Variants in LHX5 observed in about 807,000 individuals in gnomAD.
The protein encoded by LHX5 is LIM homeobox 5, also known as LIM/homeobox protein Lhx5.
Under a neutral mutation model 30.6 loss-of-function variants are expected in LHX5, and 5 were observed. The observed-to-expected ratio is 0.16, with a 90% CI of 0.09 to 0.34. LHX5 has a LOEUF of 0.34. LHX5 is among the 10% of genes least tolerant of loss of function. LHX5 has a pLI of 1.00. For synonymous variants in LHX5, 266 were observed against 252.6 expected, an observed-to-expected ratio of 1.05 and a Z score of -0.50; for missense variants, 458 against 570.6, an observed-to-expected ratio of 0.80 and a Z score of 2.01.
Position 113,471,297 on chromosome 12 carries a change from G to C in LHX5, c.173+29C>G, listed in dbSNP as rs780635606. On this transcript the variant is annotated intron_variant, in intron 1 of 4. Transcript: ENST00000261731. ...AGTGGAGCGCGCGCAGGGTGGGCGC[G>C]CAGGCAGCAGAGCGGCGCGGCCTCT... 10 of 1,609,810 alleles carry C rather than the reference G, an allele frequency of 6.2e-6. No homozygotes were observed. The Admixed American group carries it at 1.7e-4, about 27-fold the overall frequency.
rs138125505 is a variant in LHX5, at chr12:113,471,572, C to G, written c.-74G>C. 6.1e-4 allele frequency: 845 copies of G among 1,395,332 alleles called. 1 individual carries two copies. Among genetic ancestry groups the G allele is most frequent in the Non-Finnish European group, 7.8e-4 (800 of 1,028,232 alleles). The allele number at this position is 1,395,332 out of a possible 1,614,324, so 86.4% of individuals were successfully genotyped here. A position where few individuals can be genotyped will look rare whatever the true frequency, so the allele number is the denominator to read the frequency against. ...CTGGCCCTCGGGCCTGCCGGGCCCT[C>G]CGCTGCCCTTCGCCTCTTGTCTCAG... On this transcript the variant is annotated 5_prime_UTR_variant, in exon 1 of 5. Coordinates refer to ENST00000261731, the MANE Select transcript of LHX5 (RefSeq NM_022363.3).
At chr12:113,469,498 G>A (rs893154669) in intron 1 of LHX5, among the ~76,000 whole-genome samples, 153 bp from the exon 2 acceptor site, 2 of 152,224 alleles carry the variant, frequency 1.3e-5, no homozygotes, top group African/African-American at 4.8e-5. Context: ...GCCAGAGTGG[G>A]AGAAGTGGGA....
At position 113,471,447 on chromosome 12, in the gene LHX5, G is replaced by A. The variant is rs755426543; in HGVS notation, c.52C>T (p.Leu18=). 2 of 1,612,300 alleles carry A rather than the reference G, an allele frequency of 1.2e-6. No homozygotes were observed. Among genetic ancestry groups the A allele is most frequent in the Non-Finnish European group, 1.7e-6 (2 of 1,179,288 alleles). ...CERPILDRFL[L]NVLDRAWHIK... is the part of the protein sequence containing the mutation. ...TGCCACGCGCGGTCCAGCACGTTCA[G>A]CAGAAAGCGGTCGAGGATGGGCCGC... Residue 18 remains leucine (L), a synonymous_variant, in exon 1 of 5, where the codon CTG becomes TTG. Coordinates refer to ENST00000261731, the MANE Select transcript of LHX5 (RefSeq NM_022363.3).
intron 1 of LHX5, among the ~76,000 whole-genome samples, chr12:113,470,005 G>A (rs978181968): frequency 3.9e-5 from 6 of 152,226 alleles, no homozygotes; most frequent in South Asian, 4.1e-4. Flanking sequence ...GCAGGGATGA[G>A]TTTCAGCCCC....
rs1043000904 is a variant in LHX5, at chr12:113,462,129, T to G, written c.*1061A>C. ...TGTTTTTTTTAGGTAAACCTCTTTC[T>G]GCTTCCCCTCCGTCACTCTGCCCTA... On this transcript the variant is annotated 3_prime_UTR_variant, in exon 5 of 5. Transcript: ENST00000261731. 1 of 152,182 alleles carries G rather than the reference T, an allele frequency of 6.6e-6. No individual in the cohort carries two copies. Among genetic ancestry groups the G allele is most frequent in the African/African-American group, 2.4e-5 (1 of 41,436 alleles). 9.4% of individuals were successfully genotyped at this position (152,182 alleles called of 1,614,324 possible). A position where few individuals can be genotyped will look rare whatever the true frequency, so the allele number is the denominator to read the frequency against.
chr12:113,471,489 G>A lies in LHX5; in HGVS notation c.10C>T (p.His4Tyr). ...ATGGGCCGCTCGCAACCGGCGCAGT[G>A]CACCATCATAGCCCCGCGCCCCGGC... MMV[H>Y]CAGCERPILD... The change falls in exon 1 of 5, where the codon CAC (histidine) becomes TAC (tyrosine). Residue 4 changes from histidine (H) to tyrosine (Y), a missense_variant. Physicochemically the swap from His to Tyr is moderately conservative, Grantham distance 83. Around this residue, in one of 3 missense-constraint regions of LHX5, gnomAD observed 178 missense variants for 238.5 expected, o/e 0.75. Transcript: ENST00000261731. 1.2e-6 allele frequency: 2 copies of A among 1,603,612 alleles called. No individual in the cohort carries two copies. The highest frequency in any genetic ancestry group is 1.3e-5 in the African/African-American group (1 of 74,904).
intron 2 of LHX5, among the ~76,000 whole-genome samples, chr12:113,468,793 G>C (rs1958229605): frequency 6.6e-6 from 1 of 152,174 alleles, no homozygotes; most frequent in Admixed American, 6.5e-5. Flanking sequence ...TGTCCTTCCA[G>C]TGCATCAAGA....
chr12:113,469,147 G>A lies in LHX5; in HGVS notation c.372C>T (p.Ser124=). The change falls in exon 2 of 5, where the codon AGC becomes AGT. Residue 124 remains serine, a synonymous_variant. Transcript: ENST00000261731. ...CTGAGTTGAGGCTGCCCTCCTTGAG[G>A]CTGGATGAGCTCAGGTAGTCGTCTT... ...VCKDDYLSSS[S]LKEGSLNSVS... The A allele has an allele frequency of 6.2e-7, 1 of 1,613,936 alleles. No homozygotes were observed. The highest frequency in any genetic ancestry group is 8.5e-7 in the Non-Finnish European group (1 of 1,179,916).
rs1407820536 is a variant in LHX5, at chr12:113,468,285, C to T, written c.517G>A (p.Glu173Lys). The T allele has an allele frequency of 6.2e-7, 1 of 1,614,144 alleles. No homozygotes were observed. Among genetic ancestry groups the T allele is most frequent in the East Asian group, 2.2e-5 (1 of 44,876 alleles). ...DKETANNENE[E>K]QNSGTKRRGP... is the part of the protein sequence containing the mutation. ...CGCCGCTTGGTGCCCGAGTTCTGCT[C>T]CTCGTTCTCGTTGTTGGCCGTCTCC... The change falls in exon 3 of 5, where the codon GAG (glutamate) becomes AAG (lysine). Residue 173 changes from glutamate (E) to lysine (K), a missense_variant. Glu to Lys is a moderately conservative substitution (Grantham distance 56). Around this residue, in one of 3 missense-constraint regions of LHX5, gnomAD observed 178 missense variants for 238.5 expected, o/e 0.75. Coordinates refer to ENST00000261731, the MANE Select transcript of LHX5 (RefSeq NM_022363.3).
rs1418316675 is a variant in LHX5, at chr12:113,468,277, G to T, written c.525C>A (p.Asn175Lys). Reference protein sequence around the residue: ...ETANNENEEQNSGTKRRGPRT... With the variant: ...ETANNENEEQKSGTKRRGPRT... ...GGGGGCCGCGCCGCTTGGTGCCCGA[G>T]TTCTGCTCCTCGTTCTCGTTGTTGG... is the stretch of plus-strand genomic sequence containing the variant. The change falls in exon 3 of 5, where the codon AAC becomes AAA. Residue 175 changes from asparagine (N) to lysine (K), a missense_variant. Asn to Lys is a moderately conservative substitution (Grantham distance 94). Coordinates refer to ENST00000261731, the MANE Select transcript of LHX5 (RefSeq NM_022363.3). 8.7e-6 allele frequency: 14 copies of T among 1,614,048 alleles called. No homozygotes were observed. The highest frequency in any genetic ancestry group is 1.2e-5 in the Non-Finnish European group (14 of 1,179,976).
chr12:113,465,337 TGCCCCCGCGCCGTGCGCGCCGCCTCC>T lies in LHX5; in HGVS notation c.842-1806_842-1781del, dbSNP rs1263439786. ...GAGCCGGAAAACCAGCGAAGGCCGC[TGCCCCCGCGCCGTGCGCGCCGCCTCC>T]GCCCATATGGCGGCCGGGCCGGAGG... On this transcript the variant is annotated intron_variant, in intron 4 of 4. Transcript: ENST00000261731. This position sits in a 1 kb window ranked among gnomAD's most constrained non-coding sequence, Gnocchi z 6.7. 2.6e-5 allele frequency among the ~76,000 whole-genome samples: 4 copies of T among 152,198 alleles called. No homozygotes were observed. Among genetic ancestry groups the T allele is most frequent in the African/African-American group, 9.6e-5 (4 of 41,466 alleles).
rs982749841 is a variant in LHX5 at position 113,463,186 on chromosome 12, G to C, written c.*4C>G. ...GGCCGAGCGCGGGGGGCGGCCCGGC[G>C]GCCTTACCACACGGCGGCTTCGTTG... On this transcript the variant is annotated 3_prime_UTR_variant, in exon 5 of 5. Coordinates refer to ENST00000261731, the MANE Select transcript of LHX5 (RefSeq NM_022363.3). The surrounding 1 kb of genome is among the most constrained non-coding windows in gnomAD (Gnocchi z 6.7). The C allele has an allele frequency of 6.6e-7, 1 of 1,505,076 alleles. No individual in the cohort carries two copies. The highest frequency in any genetic ancestry group is 1.5e-5 in the African/African-American group (1 of 68,750). The allele number at this position is 1,505,076 out of a possible 1,614,324, so 93.2% of individuals were successfully genotyped here.
At chr12:113,469,436 G>A (rs1375018713) in intron 1 of LHX5, 91 bp from the exon 2 acceptor site, 1 of 1,170,608 alleles carries the variant, frequency 8.5e-7, no homozygotes, top group Non-Finnish European at 1.2e-6. Context: ...TGGCTTCGGT[G>A]AAGTCCCCAT....
rs191028909 is a variant in LHX5 at position 113,463,573 on chromosome 12, G to C, written c.842-16C>G. On this transcript the variant is annotated splice_polypyrimidine_tract_variant and intron_variant, in intron 4 of 4. Transcript: ENST00000261731. The surrounding 1 kb of genome is among the most constrained non-coding windows in gnomAD (Gnocchi z 6.7). ...CCTTGGTAGTCTGCGGAGGGGGAGC[G>C]GGAAGGAGACAGGGCGCGGTGAGAG... The C allele has an allele frequency of 3.3e-6, 5 of 1,509,136 alleles. No individual in the cohort carries two copies. The highest frequency in any genetic ancestry group is 2.5e-5 in the South Asian group (2 of 79,856). 93.5% of individuals were successfully genotyped at this position (1,509,136 alleles called of 1,614,324 possible).
At position 113,471,506 on chromosome 12, in the gene LHX5, C is replaced by G; in HGVS notation, c.-8G>C. 1 of 1,582,974 alleles carries G rather than the reference C, an allele frequency of 6.3e-7. No individual in the cohort carries two copies. The highest frequency in any genetic ancestry group is 1.1e-5 in the South Asian group (1 of 87,300). Reference sequence around the variant, plus strand: ...GGCGCAGTGCACCATCATAGCCCCGCGCCCCGGCGGCTTCGGCCGCCTTGC... The same window carrying G: ...GGCGCAGTGCACCATCATAGCCCCGGGCCCCGGCGGCTTCGGCCGCCTTGC... On this transcript the variant is annotated 5_prime_UTR_variant, in exon 1 of 5. Transcript: ENST00000261731.
rs1958223485 is a variant in LHX5, at chr12:113,467,687, C to T, written c.676-266G>A. On this transcript the variant is annotated intron_variant, in intron 3 of 4. Transcript: ENST00000261731. The surrounding 1 kb of genome is among the most constrained non-coding windows in gnomAD (Gnocchi z 6.3). ...CCCCGGCTCGCCCGCGGCCTGACGGCTCTATAAAGGCCTCCCTCCCGGCAC... is the reference window on the plus strand; with the variant it reads ...CCCCGGCTCGCCCGCGGCCTGACGGTTCTATAAAGGCCTCCCTCCCGGCAC... 6.6e-6 allele frequency among the ~76,000 whole-genome samples: 1 copy of T among 152,220 alleles called. No individual in the cohort carries two copies. The highest frequency in any genetic ancestry group is 2.1e-4 in the South Asian group (1 of 4,832).
Position 113,463,744 on chromosome 12 carries a change from G to A in LHX5, c.842-187C>T, listed in dbSNP as rs1958193980. Among the ~76,000 whole-genome samples, 1 of 152,150 alleles carries A rather than the reference G, an allele frequency of 6.6e-6. No homozygotes were observed. Among genetic ancestry groups the A allele is most frequent in the Admixed American group, 6.5e-5 (1 of 15,280 alleles). On this transcript the variant is annotated intron_variant, in intron 4 of 4. Transcript: ENST00000261731. The surrounding 1 kb of genome is among the most constrained non-coding windows in gnomAD (Gnocchi z 6.7). ...GTGGACGTCGCAGGCTCACGGGGAG[G>A]GTTGGGGAGAGAGACAATGAGAGAT...
chr12:113,463,153 C>A lies in LHX5; in HGVS notation c.*37G>T, dbSNP rs1204960761. ...TTCAGGAGGCTGCTTCGGGGCGGGG[C>A]CCCCGGGGGCCGAGCGCGGGGGGCG... On this transcript the variant is annotated 3_prime_UTR_variant, in exon 5 of 5. Coordinates refer to ENST00000261731, the MANE Select transcript of LHX5 (RefSeq NM_022363.3). This position sits in a 1 kb window ranked among gnomAD's most constrained non-coding sequence, Gnocchi z 6.7. 6.9e-7 allele frequency: 1 copy of A among 1,450,808 alleles called. No homozygotes were observed. Among genetic ancestry groups the A allele is most frequent in the Admixed American group, 2.7e-5 (1 of 37,404 alleles). The allele number at this position is 1,450,808 out of a possible 1,614,324, so 89.9% of individuals were successfully genotyped here.
intron 1 of LHX5, among the ~76,000 whole-genome samples, chr12:113,469,668 C>A (rs1449140512): frequency 6.6e-6 from 1 of 152,214 alleles, no homozygotes; most frequent in Non-Finnish European, 1.5e-5. Flanking sequence ...CAACCCCTGC[C>A]AGGCCTGCCT....
Sources: gnomAD v4.1 joint callset for allele counts (sites outside exome capture counted in the v4.1 genomes callset) on GRCh38, gnomAD v4.1.1 for gene constraint, gnomAD v4.1.1 regional missense constraint, Gnocchi (gnomAD v3.1) non-coding constraint, MANE v1.5 for transcripts, NCBI Gene and HGNC (gene_info 2026-07-23, HGNC 2026-07-21) for gene names.